Variants in MYCBP2 observed in about 807,000 individuals in gnomAD.
The protein encoded by MYCBP2 is E3 ubiquitin-protein ligase MYCBP2.
Under a neutral mutation model 525.3 loss-of-function variants are expected in MYCBP2, and 120 were observed. The ratio of observed to expected loss-of-function variants is 0.23; its 90% CI spans 0.20 to 0.27. MYCBP2 has a LOEUF of 0.27. MYCBP2 is among the 10% of genes least tolerant of loss of function. The pLI, the probability that MYCBP2 is intolerant of heterozygous loss-of-function variation, is 1.00. For synonymous variants in MYCBP2, 1,894 were observed against 1,955.8 expected, an observed-to-expected ratio of 0.97 and a Z score of 0.83; for missense variants, 4,149 against 5,657.1, an observed-to-expected ratio of 0.73 and a Z score of 8.55.
chr13:77,300,210 A>G (rs2078626358), intron 1 of MYCBP2, among the ~76,000 whole-genome samples: 1 of 152,184 alleles, frequency 6.6e-6, no homozygotes. Context: ...CTTTTGCTTA[A>G]TTTCTCTTAG....
chr13:77,087,375 G>A, intron 62 of MYCBP2, 109 bp downstream of exon 62: 1 of 960,456 alleles, frequency 1.0e-6, no homozygotes, highest in Non-Finnish European at 1.5e-6. Flanking sequence ...TATTCTTTTT[G>A]CTTTCAAGTT....
Position 77,278,781 on chromosome 13 carries a change from T to C in MYCBP2, c.725A>G (p.Gln242Arg). ...VLQGQQPEGL[Q>R]SEPPEVLESL... The stretch of plus-strand genomic sequence containing the variant: ...ACCTAGGACCTCAGGTGGCTCAGAC[T>C]GGAGGCCTTCTGGCTGCTGGCCCTG... The change falls in exon 4 of 83, where the codon CAG (glutamine) becomes CGG (arginine). Residue 242 changes from glutamine to arginine, a missense_variant. By Grantham distance (43) the Gln-to-Arg change is conservative. Around this residue, in one of 21 missense-constraint regions of MYCBP2, gnomAD observed 413 missense variants for 451.2 expected, o/e 0.92. Coordinates refer to ENST00000544440, the MANE Select transcript of MYCBP2 (RefSeq NM_015057.5). The C allele has an allele frequency of 6.4e-7, 1 of 1,572,336 alleles. No homozygotes were observed. The highest frequency in any genetic ancestry group is 8.6e-7 in the Non-Finnish European group (1 of 1,162,012).
chr13:77,233,143 G>C lies in MYCBP2; in HGVS notation c.2737+13C>G, dbSNP rs781126389. The C allele has an allele frequency of 1.4e-5, 23 of 1,608,744 alleles. No individual in the cohort carries two copies. Among genetic ancestry groups the C allele is most frequent in the Non-Finnish European group, 1.7e-5 (20 of 1,176,048 alleles). ...GAAAGTATCCCACCTAGGTGATAAG[G>C]AAGACCAAATACCTTTGTGCTTGTC... is the stretch of plus-strand genomic sequence containing the variant. On this transcript the variant is annotated intron_variant, in intron 18 of 82. Coordinates refer to ENST00000544440, the MANE Select transcript of MYCBP2 (RefSeq NM_015057.5).
chr13:77,057,386 T>C (rs2038314551), intron 78 of MYCBP2, among the ~76,000 whole-genome samples: 1 of 152,212 alleles, frequency 6.6e-6, no homozygotes, highest in African/African-American at 2.4e-5. Context: ...TTATTCAATT[T>C]TGTATCTCAC....
At chr13:77,082,034 T>G (rs771976290) in intron 63 of MYCBP2, 41 bp from the exon 64 acceptor site, 3 of 1,581,024 alleles carry the variant, frequency 1.9e-6, no homozygotes, top group Non-Finnish European at 1.7e-6. Flanking sequence ...AATAATTATT[T>G]TCCAGGAACA....
At chr13:77,170,577 C>CT (rs1157749294) in intron 38 of MYCBP2, among the ~76,000 whole-genome samples, 6,072 of 138,968 alleles carry the variant, frequency 0.044, 146 homozygotes, top group African/African-American at 0.053. Context: ...GTGGAGGTAA[C>CT]TTTTTTTTTT....
chr13:77,181,439 ACT>A (rs2060211476), intron 33 of MYCBP2, among the ~76,000 whole-genome samples: 2 of 152,232 alleles, frequency 1.3e-5, no homozygotes, highest in East Asian at 1.9e-4. Flanking sequence ...TCATTGTATA[ACT>A]CTCAAATTTT....
chr13:77,141,057 A>G, intron 49 of MYCBP2, 114 bp from the exon 50 acceptor site: 1 of 726,646 alleles, frequency 1.4e-6, no homozygotes, highest in Admixed American at 3.0e-5. Context: ...CAAATATCTG[A>G]TTTCTGTCCT....
rs772343408 is a variant in MYCBP2, at chr13:77,090,185, G to C, written c.10446C>G (p.Ser3482=). 2 of 1,612,388 alleles carry C rather than the reference G, an allele frequency of 1.2e-6. No homozygotes were observed. Among genetic ancestry groups the C allele is most frequent in the Non-Finnish European group, 1.7e-6 (2 of 1,179,112 alleles). Residue 3482 remains serine, a synonymous_variant, in exon 60 of 83, where the codon TCC becomes TCG. Transcript: ENST00000544440. ...AAATGGAGTGTTGTTTATCATATTC[G>C]GAAGCAACAACTGAGTATGATCTTT... ...VFQRSYSVVA[S]EYDKQHSILP...
chr13:77,317,711 G>A (rs951263323), intron 1 of MYCBP2, among the ~76,000 whole-genome samples: 2 of 152,156 alleles, frequency 1.3e-5, no homozygotes, highest in Non-Finnish European at 2.9e-5. Flanking sequence ...GGCTGACGTG[G>A]CCGGATCACG....
At position 77,045,319 on chromosome 13, in the gene MYCBP2, C is replaced by T. The variant is rs531263957; in HGVS notation, c.*59G>A. Reference sequence around the variant, plus strand: ...ATCCTGAGCAGAGTTTAAACTTCACCGCATCCTCTTGGGGGATGAAGGCAA... The same window carrying T: ...ATCCTGAGCAGAGTTTAAACTTCACTGCATCCTCTTGGGGGATGAAGGCAA... On this transcript the variant is annotated 3_prime_UTR_variant, in exon 83 of 83. Transcript: ENST00000544440. 113 of 1,176,204 alleles carry T rather than the reference C, an allele frequency of 9.6e-5. No homozygotes were observed. The Admixed American group carries it at 9.8e-4, about 10-fold the overall frequency. 72.9% of individuals were successfully genotyped at this position (1,176,204 alleles called of 1,614,324 possible).
At position 77,051,151 on chromosome 13, in the gene MYCBP2, T is replaced by C. The variant is rs750405551; in HGVS notation, c.13767A>G (p.Lys4589=). The change falls in exon 82 of 83, where the codon AAA becomes AAG. Residue 4589 remains lysine (K), a synonymous_variant. Transcript: ENST00000544440. ...SDVSRAQMCP[K]HGTDFLEYKC... is the part of the protein sequence containing the mutation. ...TATATTCCAAAAAGTCTGTGCCATG[T>C]TTGGGACACATCTATAGCAAAAGAG... 2 of 1,609,232 alleles carry C rather than the reference T, an allele frequency of 1.2e-6. No homozygotes were observed. The highest frequency in any genetic ancestry group is 1.7e-6 in the Non-Finnish European group (2 of 1,178,718).
In MYCBP2 at chr13:77,191,732, T is replaced by C. The variant is rs566391900; in HGVS notation, c.4017A>G (p.Gly1339=). The C allele has an allele frequency of 5.0e-6, 8 of 1,614,080 alleles. No homozygotes were observed. The South Asian group carries it at 8.8e-5, about 18-fold the overall frequency. ...CATGAGATCCACAGTCACTGCTGGG[T>C]CCTGACACTCGGGCCCATGCCACAT... The part of the protein sequence containing the change: ...WWYVAWARVS[G]PSSDCGSHGQ... Residue 1339 remains glycine, a synonymous_variant, in exon 28 of 83, where the codon GGA becomes GGG. Transcript: ENST00000544440.
At chr13:77,153,529 T>C (rs771021968) in intron 46 of MYCBP2, among the ~76,000 whole-genome samples, 3 of 152,244 alleles carry the variant, frequency 2.0e-5, no homozygotes, top group African/African-American at 7.2e-5. Flanking sequence ...TAAGCAACTA[T>C]ATTTACCCTA....
intron 55 of MYCBP2, among the ~76,000 whole-genome samples, chr13:77,103,567 C>T (rs953202515): frequency 9.9e-5 from 15 of 152,042 alleles, no homozygotes; most frequent in Admixed American, 2.0e-4. Flanking sequence ...GCTTATATCT[C>T]TGATAAATCA....
intron 36 of MYCBP2, among the ~76,000 whole-genome samples, 179 bp downstream of exon 36, chr13:77,176,318 T>C (rs2059698947): frequency 6.6e-6 from 1 of 152,166 alleles, no homozygotes; most frequent in South Asian, 2.1e-4. Flanking sequence ...TGCAAAAATA[T>C]AATATAATGT....
Position 77,136,865 on chromosome 13 carries a change from T to G in MYCBP2, c.7659+2331A>C, listed in dbSNP as rs189516504. Among the ~76,000 whole-genome samples the G allele has an allele frequency of 1.6e-3, 237 of 152,314 alleles. 1 individual carries two copies. The highest frequency in any genetic ancestry group is 2.9e-3 in the South Asian group (14 of 4,822). On this transcript the variant is annotated intron_variant, in intron 52 of 82. Coordinates refer to ENST00000544440, the MANE Select transcript of MYCBP2 (RefSeq NM_015057.5). ...CAGAAGCAAGCTCTCTAAGGTGCCCTTAATTCCATTTCCTCCTCCTGTTTC... is the reference window on the plus strand; with the variant it reads ...CAGAAGCAAGCTCTCTAAGGTGCCCGTAATTCCATTTCCTCCTCCTGTTTC...
intron 5 of MYCBP2, among the ~76,000 whole-genome samples, 163 bp downstream of exon 5, chr13:77,273,309 C>T (rs529520281): frequency 6.6e-6 from 1 of 152,164 alleles, no homozygotes; most frequent in Admixed American, 6.5e-5. Context: ...GTTAAACATA[C>T]ATATCACTTA....
chr13:77,077,472 C>T (rs1192515274), intron 66 of MYCBP2, 85 bp from the exon 67 acceptor site: 1 of 1,492,622 alleles, frequency 6.7e-7, no homozygotes, highest in Non-Finnish European at 9.1e-7. Flanking sequence ...TACCAGCAAG[C>T]TCAAATAACA....
Sources: gnomAD v4.1 joint callset for allele counts (sites outside exome capture counted in the v4.1 genomes callset) on GRCh38, gnomAD v4.1.1 for gene constraint, gnomAD v4.1.1 regional missense constraint, MANE v1.5 for transcripts, NCBI Gene and HGNC (gene_info 2026-07-23, HGNC 2026-07-21) for gene names.